KRR1: variants seen among roughly 807,000 people sequenced by gnomAD.
KRR1 encodes KRR1 small subunit processome component.
A neutral mutation model predicts 50.0 loss-of-function variants in KRR1; 23 were observed. The ratio of observed to expected loss-of-function variants is 0.46; its 90% CI spans 0.33 to 0.65. KRR1 has a LOEUF of 0.65. Ranked by LOEUF, KRR1 falls within the 30% of genes least tolerant of loss-of-function variation. The pLI, the probability that KRR1 is intolerant of heterozygous loss-of-function variation, is 0.02. For missense variants in KRR1, 419 were observed against 442.4 expected (o/e 0.95, Z 0.47); for synonymous variants, 133 against 146.3 (o/e 0.91, Z 0.66).
chr12:75,507,590 A>G (rs1011777454), intron 2 of KRR1, among the ~76,000 whole-genome samples: 1 of 152,192 alleles, frequency 6.6e-6, no homozygotes, highest in Non-Finnish European at 1.5e-5. Flanking sequence ...ATGCAGCTAC[A>G]AAACACAACC....
chr12:75,508,173 A>T, intron 2 of KRR1, 101 bp downstream of exon 2: 1 of 730,536 alleles, frequency 1.4e-6, no homozygotes, highest in Non-Finnish European at 2.1e-6. Context: ...CAGCTATGTT[A>T]GCACCATTAA....
Position 75,501,772 on chromosome 12 carries a change from G to C in KRR1, c.954C>G (p.Asn318Lys). The C allele has an allele frequency of 6.2e-7, 1 of 1,610,798 alleles. No homozygotes were observed. The highest frequency in any genetic ancestry group is 8.5e-7 in the Non-Finnish European group (1 of 1,178,308). The change falls in exon 9 of 10, where the codon AAC becomes AAG. Residue 318 changes from asparagine to lysine, a missense_variant. By Grantham distance (94) the Asn-to-Lys change is moderately conservative. Coordinates refer to ENST00000229214, the MANE Select transcript of KRR1 (RefSeq NM_007043.7). ...TTTCCTTAGGTGGAATAAATGCTTTGTTTCTTTCCTCTTGTCTCTTACTGA... is the reference window on the plus strand; with the variant it reads ...TTTCCTTAGGTGGAATAAATGCTTTCTTTCTTTCCTCTTGTCTCTTACTGA... The part of the protein sequence containing the change: ...EAISKRQEER[N>K]KAFIPPKEKP...
At chr12:75,511,394 G>A in intron 1 of KRR1, 119 bp downstream of exon 1, 2 of 832,788 alleles carry the variant, frequency 2.4e-6, no homozygotes, top group South Asian at 1.5e-5. Flanking sequence ...CGATTATTCA[G>A]GTACTCAACT....
intron 1 of KRR1, among the ~76,000 whole-genome samples, chr12:75,508,795 G>A (rs924285601): frequency 2.6e-5 from 4 of 152,284 alleles, no homozygotes; most frequent in Middle Eastern, 3.4e-3. Context: ...TCATAAAATT[G>A]AAGATTTGAA....
Position 75,493,680 on chromosome 12 carries a change from C to T in KRR1, c.*6129G>A, listed in dbSNP as rs574982739. The T allele has an allele frequency of 6.6e-6, 1 of 152,226 alleles. No homozygotes were observed. The highest frequency in any genetic ancestry group is 2.1e-4 in the South Asian group (1 of 4,826). 9.4% of individuals were successfully genotyped at this position (152,226 alleles called of 1,614,324 possible). On this transcript the variant is annotated 3_prime_UTR_variant, in exon 10 of 10. Coordinates refer to ENST00000229214, the MANE Select transcript of KRR1 (RefSeq NM_007043.7). The stretch of plus-strand genomic sequence containing the variant: ...TTCGGTCTTCCCCTGGGTCCCATAA[C>T]CCCAACCCTCTTCTCTCTCAGGCTA...
intron 3 of KRR1, 70 bp from the exon 4 acceptor site, chr12:75,506,679 C>A: frequency 1.3e-6 from 2 of 1,544,680 alleles, no homozygotes; most frequent in Non-Finnish European, 1.7e-6. Flanking sequence ...TTTTCCAGGC[C>A]CACGCTATTG....
chr12:75,506,616 C>CAAAAAAAAAAAAA lies in KRR1; in HGVS notation c.394-20_394-8dup, dbSNP rs35071517. 2.6e-4 allele frequency: 363 copies of CAAAAAAAAAAAAA among 1,372,592 alleles called. 3 individuals are homozygous for CAAAAAAAAAAAAA. The highest frequency in any genetic ancestry group is 2.2e-3 in the African/African-American group (130 of 59,054). The allele number at this position is 1,372,592 out of a possible 1,614,324, so 85.0% of individuals were successfully genotyped here. On this transcript the variant is annotated splice_polypyrimidine_tract_variant and splice_region_variant and intron_variant, in intron 3 of 9. Coordinates refer to ENST00000229214, the MANE Select transcript of KRR1 (RefSeq NM_007043.7). ...CCTGAAGAATTCGTACTGCCTTTTG[C>CAAAAAAAAAAAAA]AAAAAAAAAAAAAAAAAGAAGACAT...
At chr12:75,501,032 T>C (rs574699876) in intron 9 of KRR1, 2 of 152,250 alleles carry the variant, frequency 1.3e-5, no homozygotes, top group East Asian at 1.9e-4. Flanking sequence ...ACCCAGTCTA[T>C]GTACAATATT....
intron 9 of KRR1, chr12:75,501,148 T>A (rs1314349512): frequency 6.6e-6 from 1 of 152,306 alleles, no homozygotes; most frequent in African/African-American, 2.4e-5. Context: ...AGAGGATGCA[T>A]CAGAAGAAAT....
chr12:75,494,435 T>C lies in KRR1; in HGVS notation c.*5374A>G, dbSNP rs1010890660. The C allele has an allele frequency of 2.0e-5, 3 of 152,200 alleles. No individual in the cohort carries two copies. The highest frequency in any genetic ancestry group is 7.2e-5 in the African/African-American group (3 of 41,454). 9.4% of individuals were successfully genotyped at this position (152,200 alleles called of 1,614,324 possible). On this transcript the variant is annotated 3_prime_UTR_variant, in exon 10 of 10. Transcript: ENST00000229214. ...TATTTTCATACCACATTCCACTTGC[T>C]GCAGAGAACTCAAAATATAGTTTGT... is the stretch of plus-strand genomic sequence containing the variant.
At position 75,498,248 on chromosome 12, in the gene KRR1, T is replaced by A. The variant is rs2046363816; in HGVS notation, c.*1561A>T. The A allele has an allele frequency of 6.5e-6, 1 of 152,718 alleles. No homozygotes were observed. The highest frequency in any genetic ancestry group is 2.4e-5 in the African/African-American group (1 of 41,470). The allele number at this position is 152,718 out of a possible 1,614,324, so 9.5% of individuals were successfully genotyped here. On this transcript the variant is annotated 3_prime_UTR_variant, in exon 10 of 10. Transcript: ENST00000229214. ...ATGACTTGATAGCCAAACATCGTAA[T>A]GATGATTTAGTGATATACTAGACTG...
rs956067480 is a variant in KRR1 at position 75,502,020 on chromosome 12, C to T, written c.832-20G>A. On this transcript the variant is annotated intron_variant, in intron 7 of 9. Transcript: ENST00000229214. ...ATCGATCTGTTGAAAACGGTATTTA[C>T]AATTACATCAGAAATAATGTAGAGG... 4.4e-6 allele frequency: 7 copies of T among 1,584,122 alleles called. No homozygotes were observed. In the African/African-American group the frequency reaches 9.4e-5, roughly 21 times the overall value.
At chr12:75,511,014 T>G (rs2046445754) in intron 1 of KRR1, among the ~76,000 whole-genome samples, 2 of 152,248 alleles carry the variant, frequency 1.3e-5, no homozygotes, top group South Asian at 4.1e-4. Flanking sequence ...TGTCGTCTAA[T>G]ATTTTAGCAT....
chr12:75,502,351 T>C (rs1250008299), intron 7 of KRR1: 2 of 177,260 alleles, frequency 1.1e-5, no homozygotes, highest in Non-Finnish European at 2.4e-5. Context: ...GAAATGACTG[T>C]AGGTTTCTGA....
intron 6 of KRR1, among the ~76,000 whole-genome samples, chr12:75,504,863 C>A (rs970129224): frequency 6.6e-6 from 1 of 151,958 alleles, no homozygotes; most frequent in African/African-American, 2.4e-5. Flanking sequence ...AAGATCATAT[C>A]CTTAAATACA....
chr12:75,506,741 C>T (rs2046424215), intron 3 of KRR1, 41 bp downstream of exon 3: 3 of 1,592,148 alleles, frequency 1.9e-6, no homozygotes, highest in Non-Finnish European at 2.6e-6. Flanking sequence ...TAGGTTAACA[C>T]TGATGCAAAC....
rs2120534307 is a variant in KRR1 at position 75,491,174 on chromosome 12, T to TA, written c.*8634dup. On this transcript the variant is annotated 3_prime_UTR_variant, in exon 10 of 10. Transcript: ENST00000229214. ...TAAGTGATTTTAATCATAAAAATGATAGATTGTTTATATAATGCTTACAAT... is the reference window on the plus strand; with the variant it reads ...TAAGTGATTTTAATCATAAAAATGATAAGATTGTTTATATAATGCTTACAAT... 7.5e-6 allele frequency: 1 copy of TA among 133,616 alleles called. No homozygotes were observed. Among genetic ancestry groups the TA allele is most frequent in the Admixed American group, 7.3e-5 (1 of 13,738 alleles). 8.3% of individuals were successfully genotyped at this position (133,616 alleles called of 1,614,324 possible). A position where few individuals can be genotyped will look rare whatever the true frequency, so the allele number is the denominator to read the frequency against.
At chr12:75,511,209 G>A (rs553361162) in intron 1 of KRR1, among the ~76,000 whole-genome samples, 13 of 152,236 alleles carry the variant, frequency 8.5e-5, no homozygotes, top group African/African-American at 2.9e-4. Flanking sequence ...CCACCCGCAG[G>A]CTTACAAGGT....
At chr12:75,510,469 C>A (rs866691791) in intron 1 of KRR1, among the ~76,000 whole-genome samples, 36 of 152,056 alleles carry the variant, frequency 2.4e-4, no homozygotes, top group African/African-American at 5.8e-4. Flanking sequence ...AAACTACACC[C>A]GCAAGTATCA....
Sources: allele counts gnomAD v4.1 joint callset (sites outside exome capture counted in the v4.1 genomes callset), GRCh38; gene constraint gnomAD v4.1.1; transcripts MANE v1.5; gene names NCBI Gene and HGNC (gene_info 2026-07-23, HGNC 2026-07-21).